The following PALM2AKAP2 variants were observed in gnomAD, a reference collection of about 807,000 sequenced individuals.
The protein encoded by PALM2AKAP2 is PALM2-AKAP2 fusion protein.
PALM2AKAP2 carries 37 observed loss-of-function variants against 71.5 expected under a neutral mutation model. That is an observed-to-expected ratio of 0.52 (90% confidence interval 0.40 to 0.68). The LOEUF (loss-of-function observed/expected upper bound fraction) is 0.68. Among genes scored for constraint, PALM2AKAP2 ranks in the 30% least tolerant of loss-of-function variants. PALM2AKAP2 has a pLI of 0.00. For missense variants in PALM2AKAP2, 1,224 were observed against 1,191.8 expected (o/e 1.03, Z -0.40); for synonymous variants, 468 against 478.8 (o/e 0.98, Z 0.29).
At chr9:109,864,340 C>T (rs534296920) in intron 1 of PALM2AKAP2, among the ~76,000 whole-genome samples, 81 of 152,344 alleles carry the variant, frequency 5.3e-4, no homozygotes, top group South Asian at 1.0e-3. Context: ...CCTGCACCAG[C>T]GCTCTTCTGG....
intron 3 of PALM2AKAP2, 39 bp downstream of exon 9, chr9:110,156,536 G>T: frequency 6.4e-7 from 1 of 1,556,032 alleles, no homozygotes. Context: ...TTCTCTGAGC[G>T]CGGCCATCGG....
intron 1 of PALM2AKAP2, among the ~76,000 whole-genome samples, chr9:110,088,703 G>GTTTTTGTTTT (rs1834629164): frequency 1.3e-5 from 1 of 75,574 alleles, no homozygotes; most frequent in Non-Finnish European, 2.8e-5. Flanking sequence ...GCATTTACGT[G>GTTTTTGTTTT]TTTTTTTTTT....
chr9:109,897,954 T>G (rs1355361337), intron 3 of PALM2AKAP2, among the ~76,000 whole-genome samples: 1 of 152,194 alleles, frequency 6.6e-6, no homozygotes, highest in Non-Finnish European at 1.5e-5. Flanking sequence ...TTGGATTAAA[T>G]TTTTTTATCA....
intron 1 of PALM2AKAP2, among the ~76,000 whole-genome samples, chr9:109,833,232 G>A (rs1042890166): frequency 1.8e-4 from 27 of 152,184 alleles, no homozygotes; most frequent in African/African-American, 6.3e-4. Context: ...GCACACACCT[G>A]TAATCTCAGC....
rs149089586 is a variant in PALM2AKAP2, at chr9:110,130,909, G to T, written c.157-5218G>T. On this transcript the variant is annotated intron_variant, in intron 1 of 3. Coordinates refer to ENST00000374525, the Ensembl canonical transcript of PALM2AKAP2. ...ATTTCTAACATTCATTATGCTAATT[G>T]ACAGGCCACTAATTTCACTAATGAA... is the stretch of plus-strand genomic sequence containing the variant. Among the ~76,000 whole-genome samples the T allele has an allele frequency of 2.0e-5, 3 of 152,296 alleles. No homozygotes were observed. The East Asian group carries it at 5.8e-4, about 29-fold the overall frequency.
At chr9:109,681,514 T>C (rs535486384) in intron 1 of PALM2AKAP2, among the ~76,000 whole-genome samples, 251 of 152,310 alleles carry the variant, frequency 1.6e-3, no homozygotes, top group African/African-American at 5.8e-3. Flanking sequence ...GATTCCTGCC[T>C]GCAGATAACA....
At chr9:109,656,815 G>A (rs1028114695) in intron 1 of PALM2AKAP2, among the ~76,000 whole-genome samples, 3 of 152,134 alleles carry the variant, frequency 2.0e-5, no homozygotes, top group Admixed American at 1.3e-4. Context: ...TTCAAAATTG[G>A]TACTGCTAAT....
At position 110,089,474 on chromosome 9, in the gene PALM2AKAP2, G is replaced by A. The variant is rs562460571; in HGVS notation, c.156+40619G>A. Among the ~76,000 whole-genome samples the A allele has an allele frequency of 1.1e-4, 17 of 152,226 alleles. No homozygotes were observed. The South Asian group carries it at 3.1e-3, about 28-fold the overall frequency. On this transcript the variant is annotated intron_variant, in intron 1 of 3. Coordinates refer to ENST00000374525, the Ensembl canonical transcript of PALM2AKAP2. ...TGGATGAGGTCACAGTTACCCCTTGGCCTTAGAAGGAGGAAGCCAGACATC... is the reference window on the plus strand; with the variant it reads ...TGGATGAGGTCACAGTTACCCCTTGACCTTAGAAGGAGGAAGCCAGACATC...
At chr9:109,762,357 C>G (rs1404967402) in intron 1 of PALM2AKAP2, among the ~76,000 whole-genome samples, 2 of 152,122 alleles carry the variant, frequency 1.3e-5, no homozygotes, top group Non-Finnish European at 1.5e-5. Flanking sequence ...GATTCTAGGT[C>G]TAAGTTTCCA....
chr9:110,149,404 T>G (rs1836256501), intron 2 of PALM2AKAP2, among the ~76,000 whole-genome samples: 1 of 152,258 alleles, frequency 6.6e-6, no homozygotes. Flanking sequence ...GTTTACCTGC[T>G]TTTCTCAGCG....
chr9:110,168,119 C>T (rs149928330), intron 3 of PALM2AKAP2, among the ~76,000 whole-genome samples: 226 of 152,218 alleles, frequency 1.5e-3, no homozygotes, highest in African/African-American at 5.1e-3. Flanking sequence ...TGCAGAATCA[C>T]GGCTAGTTCA....
chr9:110,089,528 C>T (rs1268538404), intron 1 of PALM2AKAP2, among the ~76,000 whole-genome samples: 6 of 152,132 alleles, frequency 3.9e-5, no homozygotes, highest in Non-Finnish European at 7.4e-5. Context: ...GCATACTTTA[C>T]CTAAAATCTT....
At chr9:109,657,636 T>G (rs1291985745) in intron 1 of PALM2AKAP2, among the ~76,000 whole-genome samples, 1 of 151,988 alleles carries the variant, frequency 6.6e-6, no homozygotes, top group Non-Finnish European at 1.5e-5. Flanking sequence ...GAAAGACAGG[T>G]TGATTGCCTT....
chr9:109,799,262 G>T (rs1408691195), intron 1 of PALM2AKAP2, among the ~76,000 whole-genome samples: 1 of 152,254 alleles, frequency 6.6e-6, no homozygotes, highest in African/African-American at 2.4e-5. Flanking sequence ...GGCAGGGGGT[G>T]CTGGACCACA....
chr9:110,064,389 G>A (rs1247317897), intron 1 of PALM2AKAP2, among the ~76,000 whole-genome samples: 3 of 152,150 alleles, frequency 2.0e-5, no homozygotes, highest in African/African-American at 7.2e-5. Flanking sequence ...GCCCAGCCTC[G>A]GTCTGGAACA....
At position 109,921,583 on chromosome 9, in the gene PALM2AKAP2, C is replaced by T. The variant is rs114764940; in HGVS notation, c.258-2152C>T. Among the ~76,000 whole-genome samples, 889 of 152,270 alleles carry T rather than the reference C, an allele frequency of 5.8e-3. 12 individuals carry two copies. Among genetic ancestry groups the T allele is most frequent in the African/African-American group, 0.02 (851 of 41,550 alleles). On this transcript the variant is annotated intron_variant, in intron 3 of 9. Transcript: ENST00000302798. ...GTGCTAAGAAATGTTCAGAGGGAAG[C>T]GATGTTATTTCCTGGCAGTGAAATC...
intron 1 of PALM2AKAP2, among the ~76,000 whole-genome samples, chr9:109,860,034 A>G (rs1381639617): frequency 2.6e-5 from 4 of 152,214 alleles, no homozygotes; most frequent in Admixed American, 6.5e-5. Flanking sequence ...AGAAATCAGG[A>G]TTATGATTGG....
At chr9:109,764,353 G>T (rs1358457787) in intron 1 of PALM2AKAP2, among the ~76,000 whole-genome samples, 1 of 151,496 alleles carries the variant, frequency 6.6e-6, no homozygotes, top group Non-Finnish European at 1.5e-5. Flanking sequence ...GTGTCTCCCA[G>T]AACTCTAAAC....
chr9:109,653,179 T>A (rs533215341), intron 1 of PALM2AKAP2, among the ~76,000 whole-genome samples: 2 of 152,286 alleles, frequency 1.3e-5, no homozygotes, highest in East Asian at 3.9e-4. Context: ...CCTGCCCCCT[T>A]GAGGAATCAG....
Sources: allele counts gnomAD v4.1 joint callset (sites outside exome capture counted in the v4.1 genomes callset), GRCh38; gene constraint gnomAD v4.1.1; transcripts MANE v1.5; gene names NCBI Gene and HGNC (gene_info 2026-07-23, HGNC 2026-07-21).